Variants in OTUD7B observed in about 807,000 individuals in gnomAD.
The protein encoded by OTUD7B is OTU deubiquitinase 7B, also known as OTU domain-containing protein 7B.
Under a neutral mutation model 82.2 loss-of-function variants are expected in OTUD7B, and 34 were observed. The ratio of observed to expected loss-of-function variants is 0.41; its 90% CI spans 0.31 to 0.55. The LOEUF (loss-of-function observed/expected upper bound fraction) is 0.55, where lower values mean the gene tolerates loss of function less well. OTUD7B is among the 20% of genes least tolerant of loss of function. The probability of loss-of-function intolerance (pLI) is 0.20; values close to 1 mark genes in which losing one functional copy is unlikely to be tolerated. For synonymous variants in OTUD7B, 398 were observed against 402.7 expected (o/e 0.99, Z 0.14); for missense variants, 944 against 1,062.1 (o/e 0.89, Z 1.55).
intron 3 of OTUD7B, among the ~76,000 whole-genome samples, chr1:149,970,612 C>A (rs1300982787): frequency 2.6e-5 from 4 of 152,094 alleles, no homozygotes; most frequent in African/African-American, 9.7e-5. Flanking sequence ...AGCCACTGCA[C>A]CTGGCCTTAT....
At chr1:149,992,724 A>G (rs587686772) in intron 1 of OTUD7B, among the ~76,000 whole-genome samples, 8 of 152,166 alleles carry the variant, frequency 5.3e-5, no homozygotes, top group Admixed American at 5.2e-4. Flanking sequence ...CACCCGCCTC[A>G]GTCTCCCAAA....
chr1:150,023,306 C>A, the OTUD7B span, among the ~76,000 whole-genome samples: 10 of 152,122 alleles, frequency 6.6e-5, no homozygotes, highest in Non-Finnish European at 1.3e-4. Flanking sequence ...CCAAAGAAAT[C>A]GAAATCAGTG....
In OTUD7B at chr1:149,964,328, C is replaced by T. The variant is rs1214554026; in HGVS notation, c.626G>A (p.Arg209Gln). Residue 209 changes from arginine to glutamine, a missense_variant, in exon 6 of 12, where the codon CGG becomes CAG. Arg to Gln is a conservative substitution (Grantham distance 43). This residue lies in a region of OTUD7B where 530 missense variants were observed against 625.6 expected (regional missense o/e 0.85). Coordinates refer to ENST00000581312, the MANE Select transcript of OTUD7B (RefSeq NM_020205.4). ...CAAAGCTTTCCGCAGCATCAAGTCC[C>T]GATCATGGAAACCCCACATTCCTGT... is the stretch of plus-strand genomic sequence containing the variant. The part of the protein sequence containing the change: ...ASLGMWGFHD[R>Q]DLMLRKALYA... 34 of 1,613,714 alleles carry T rather than the reference C, an allele frequency of 2.1e-5. No homozygotes were observed. The highest frequency in any genetic ancestry group is 1.1e-4 in the East Asian group (5 of 44,884).
chr1:150,042,127 C>CTCCG, the OTUD7B span, among the ~76,000 whole-genome samples: 1 of 124,820 alleles, frequency 8.0e-6, no homozygotes, highest in East Asian at 2.5e-4. Context: ...CCCTCCCTCC[C>CTCCG]TCCCTCCCTC....
chr1:150,031,883 T>C, the OTUD7B span, among the ~76,000 whole-genome samples: 1 of 152,240 alleles, frequency 6.6e-6, no homozygotes, highest in Admixed American at 6.5e-5. Context: ...TTTGCTATTA[T>C]TGTTTTGGCA....
chr1:149,967,635 C>G, intron 3 of OTUD7B, 114 bp from the exon 4 acceptor site: 1 of 676,880 alleles, frequency 1.5e-6, no homozygotes, highest in Non-Finnish European at 2.3e-6. Flanking sequence ...AAAACTAAGT[C>G]TAACTGACTA....
intron 5 of OTUD7B, among the ~76,000 whole-genome samples, chr1:149,964,893 CTT>C (rs1649423024): frequency 6.7e-5 from 9 of 135,330 alleles, no homozygotes; most frequent in African/African-American, 2.2e-4. Flanking sequence ...CACGCCTGAC[CTT>C]TTTTTTTTTT....
chr1:150,047,691 T>C, the OTUD7B span: 1 of 152,246 alleles, frequency 6.6e-6, no homozygotes, highest in Non-Finnish European at 1.5e-5. Context: ...TGGTGGCTTA[T>C]GCCTATAATC....
chr1:149,978,847 CTCAT>C (rs1650506611), intron 1 of OTUD7B, among the ~76,000 whole-genome samples: 1 of 152,182 alleles, frequency 6.6e-6, no homozygotes, highest in African/African-American at 2.4e-5. Flanking sequence ...CTATAGAAGA[CTCAT>C]TCATTAAGTT....
intron 4 of OTUD7B, among the ~76,000 whole-genome samples, chr1:149,966,845 T>C (rs1031547537): frequency 6.6e-6 from 1 of 152,210 alleles, no homozygotes; most frequent in Non-Finnish European, 1.5e-5. Flanking sequence ...CCTGATTAGC[T>C]TTTCCAAAAT....
rs1559824661 is a variant in OTUD7B, at chr1:149,947,294, C to A, written c.1280G>T (p.Ser427Ile). The change falls in exon 11 of 12, where the codon AGC (serine) becomes ATC (isoleucine). Residue 427 changes from serine (S) to isoleucine (I), a missense_variant. This residue lies in a region of OTUD7B where 530 missense variants were observed against 625.6 expected (regional missense o/e 0.85). Transcript: ENST00000581312. ...SLEVKLHLLH[S>I]YMNVKWIPLS... is the part of the protein sequence containing the mutation. ...TGGGATCCACTTCACATTCATGTAG[C>A]TATGCAGCAGATGCAATTTGACCTC... 2 of 1,611,538 alleles carry A rather than the reference C, an allele frequency of 1.2e-6. No individual in the cohort carries two copies. Among genetic ancestry groups the A allele is most frequent in the Non-Finnish European group, 1.7e-6 (2 of 1,177,796 alleles).
At chr1:149,950,248 A>G (rs1553773083) in intron 7 of OTUD7B, 27 bp from the exon 8 acceptor site, 1 of 1,611,418 alleles carries the variant, frequency 6.2e-7, no homozygotes, top group East Asian at 2.2e-5. Flanking sequence ...GGAGAGAGTG[A>G]AAAGGGTGCA....
At chr1:150,047,682 G>C in the OTUD7B span, 1 of 152,218 alleles carries the variant, frequency 6.6e-6, no homozygotes, top group Admixed American at 6.5e-5. Context: ...GGCCAGGCGT[G>C]GTGGCTTATG....
intron 1 of OTUD7B, among the ~76,000 whole-genome samples, chr1:149,997,194 T>C (rs1202891817): frequency 7.2e-5 from 11 of 152,112 alleles, no homozygotes; most frequent in Admixed American, 5.9e-4. Flanking sequence ...ATCACATAGA[T>C]AAAAGTCTGG....
rs189090485 is a variant in OTUD7B at position 149,986,480 on chromosome 1, A to G, written c.-66-8904T>C. On this transcript the variant is annotated intron_variant, in intron 1 of 11. Coordinates refer to ENST00000581312, the MANE Select transcript of OTUD7B (RefSeq NM_020205.4). ...TAACAGAGAAAAATGACCCAAAATT[A>G]AAGACCATGGATAATAACCCTCTAT... Among the ~76,000 whole-genome samples the G allele has an allele frequency of 2.0e-5, 3 of 152,372 alleles. No individual in the cohort carries two copies. In the East Asian group the frequency reaches 5.8e-4, roughly 29 times the overall value.
chr1:150,019,367 T>C, the OTUD7B span, among the ~76,000 whole-genome samples: 1 of 152,052 alleles, frequency 6.6e-6, no homozygotes, highest in Admixed American at 6.6e-5. Flanking sequence ...TTTTGTTTGT[T>C]TGTTTGTTTG....
At chr1:150,027,120 G>A in the OTUD7B span, among the ~76,000 whole-genome samples, 1 of 152,102 alleles carries the variant, frequency 6.6e-6, no homozygotes, top group Non-Finnish European at 1.5e-5. Context: ...GTTCTGTTGT[G>A]TTGTATTGGG....
At chr1:149,975,978 G>A (rs1367738861) in intron 2 of OTUD7B, among the ~76,000 whole-genome samples, 5 of 151,268 alleles carry the variant, frequency 3.3e-5, no homozygotes, top group South Asian at 2.1e-4. Flanking sequence ...CCAACATCGC[G>A]CCACTGCACT....
At chr1:149,971,948 C>T (rs1196051393) in intron 2 of OTUD7B, among the ~76,000 whole-genome samples, 1 of 152,192 alleles carries the variant, frequency 6.6e-6, no homozygotes, top group Non-Finnish European at 1.5e-5. Flanking sequence ...AATTCAATTC[C>T]TATCACCTAC....
Sources: allele counts gnomAD v4.1 joint callset (sites outside exome capture counted in the v4.1 genomes callset), GRCh38; gene constraint gnomAD v4.1.1; regional missense constraint gnomAD v4.1.1; transcripts MANE v1.5; gene names NCBI Gene and HGNC (gene_info 2026-07-23, HGNC 2026-07-21).